C22orf23: variants seen among roughly 807,000 people sequenced by gnomAD.
The protein encoded by C22orf23 is chromosome 22 open reading frame 23.
In C22orf23, 30 loss-of-function variants were observed where a neutral mutation model predicts 29.7. The observed-to-expected ratio is 1.01, with a 90% confidence interval of 0.76 to 1.37. C22orf23 has a LOEUF of 1.37. Ranked by LOEUF, C22orf23 falls within the 40% of genes most tolerant of loss-of-function variation. The pLI is 0.00. For missense variants in C22orf23, 237 were observed against 273.1 expected (o/e 0.87, Z 0.93); for synonymous variants, 90 against 96.1 (o/e 0.94, Z 0.37).
At chr22:37,944,874 T>C in intron 5 of C22orf23, 168 bp downstream of exon 5, 1 of 758,542 alleles carries the variant, frequency 1.3e-6, no homozygotes, top group South Asian at 2.2e-5. Context: ...CACTCTAGCC[T>C]GGGCAATAAG....
chr22:37,952,858 T>A (rs1008301317), intron 2 of C22orf23, 189 bp downstream of exon 2: 1 of 545,460 alleles, frequency 1.8e-6, no homozygotes, highest in Non-Finnish European at 3.3e-6. Flanking sequence ...CGAACCCTAT[T>A]GTGAACTGCG....
chr22:37,948,960 ACCT>A (rs746486718), intron 3 of C22orf23, among the ~76,000 whole-genome samples: 8 of 152,074 alleles, frequency 5.3e-5, no homozygotes, highest in Non-Finnish European at 1.0e-4. Context: ...TATTCAGCTC[ACCT>A]CCTTGTTTCA....
At chr22:37,949,546 C>T (rs952017596) in intron 3 of C22orf23, among the ~76,000 whole-genome samples, 5 of 149,782 alleles carry the variant, frequency 3.3e-5, no homozygotes, top group Admixed American at 2.7e-4. Context: ...GCAACCTCCG[C>T]CTCCTGGGTT....
chr22:37,947,210 C>G, intron 4 of C22orf23, 71 bp downstream of exon 4: 1 of 1,533,764 alleles, frequency 6.5e-7, no homozygotes, highest in Non-Finnish European at 9.0e-7. Flanking sequence ...GCCCTGTGGG[C>G]TGCTTGCGTC....
In C22orf23 at chr22:37,943,927, G is replaced by A. The variant is rs1436210291; in HGVS notation, c.*248C>T. 12 of 581,396 alleles carry A rather than the reference G, an allele frequency of 2.1e-5. No individual in the cohort carries two copies. The highest frequency in any genetic ancestry group is 3.4e-5 in the Non-Finnish European group (11 of 324,520). The allele number at this position is 581,396 out of a possible 1,614,324, so 36.0% of individuals were successfully genotyped here. ...GCCCAGTGGATACCTTTAGACACAT[G>A]TCCTAGTAGGGATGCTCGGGCTTTG... On this transcript the variant is annotated 3_prime_UTR_variant, in exon 7 of 7. Coordinates refer to ENST00000403305, the MANE Select transcript of C22orf23 (RefSeq NM_032561.5).
intron 4 of C22orf23, 36 bp downstream of exon 4, chr22:37,947,245 A>G: frequency 1.2e-6 from 2 of 1,611,276 alleles, no homozygotes; most frequent in Non-Finnish European, 1.7e-6. Context: ...TCCCCCAGGG[A>G]GATGGAGAAA....
At position 37,951,470 on chromosome 22, in the gene C22orf23, G is replaced by A. The variant is rs975350506; in HGVS notation, c.156C>T (p.Asp52=). ...TGGACTGCCCCTTACTTTTCATGAT[G>A]TCCATGATGTGGCGCTGCTGGATGT... ...LTNIQQRHIM[D]IMKRGDALPL... Residue 52 remains aspartate (D), a synonymous_variant, in exon 3 of 7, where the codon GAC becomes GAT. Transcript: ENST00000403305. 1 of 1,613,822 alleles carries A rather than the reference G, an allele frequency of 6.2e-7. No individual in the cohort carries two copies. Among genetic ancestry groups the A allele is most frequent in the Non-Finnish European group, 8.5e-7 (1 of 1,179,906 alleles).
At position 37,943,962 on chromosome 22, in the gene C22orf23, GGACGGGGCTGTGAGTCTCA is replaced by G; in HGVS notation, c.*194_*212del. On this transcript the variant is annotated 3_prime_UTR_variant, in exon 7 of 7. Transcript: ENST00000403305. ...GGATGCTCGGGCTTTGCTTCTCTGC[GGACGGGGCTGTGAGTCTCA>G]GAGGCTCCATCTGCATTCCGGGGCA... is the stretch of plus-strand genomic sequence containing the variant. The G allele has an allele frequency of 3.3e-6, 2 of 606,492 alleles. No individual in the cohort carries two copies. The highest frequency in any genetic ancestry group is 5.9e-6 in the Non-Finnish European group (2 of 339,258). The allele number at this position is 606,492 out of a possible 1,614,324, so 37.6% of individuals were successfully genotyped here.
At chr22:37,952,714 ACCCT>A (rs960462959) in intron 2 of C22orf23, 2 of 223,852 alleles carry the variant, frequency 8.9e-6, no homozygotes, top group Admixed American at 5.5e-5. Flanking sequence ...GGGGTCCCCA[ACCCT>A]CCGTCCGTGG....
At chr22:37,946,541 T>G (rs1194634199) in intron 4 of C22orf23, among the ~76,000 whole-genome samples, 1 of 148,588 alleles carries the variant, frequency 6.7e-6, no homozygotes, top group Non-Finnish European at 1.5e-5. Flanking sequence ...TGCCACTGTA[T>G]TACAGAATGG....
rs559246908 is a variant in C22orf23 at position 37,944,628 on chromosome 22, C to T, written c.482-111G>A. ...TCAAATAGTGTTTCTAGGCCGGGCG[C>T]GGTGGCTCACGCCTATAATCCCAGC... On this transcript the variant is annotated intron_variant, in intron 5 of 6. Coordinates refer to ENST00000403305, the MANE Select transcript of C22orf23 (RefSeq NM_032561.5). The T allele has an allele frequency of 2.1e-3, 1,890 of 913,358 alleles. 5 individuals are homozygous for T. Among genetic ancestry groups the T allele is most frequent in the Non-Finnish European group, 2.4e-3 (1,410 of 597,686 alleles). 56.6% of individuals were successfully genotyped at this position (913,358 alleles called of 1,614,324 possible).
At chr22:37,944,604 C>G in intron 5 of C22orf23, 87 bp from the exon 6 acceptor site, 1 of 1,209,870 alleles carries the variant, frequency 8.3e-7, no homozygotes, top group Non-Finnish European at 1.2e-6. Context: ...GTTCTATTGT[C>G]AAATAGTGTT....
At chr22:37,947,125 C>A (rs1930742834) in intron 4 of C22orf23, among the ~76,000 whole-genome samples, 156 bp downstream of exon 4, 1 of 152,048 alleles carries the variant, frequency 6.6e-6, no homozygotes. Flanking sequence ...CTGAATACCC[C>A]TAAGCCAACA....
chr22:37,951,771 T>C, intron 2 of C22orf23: 1 of 184,082 alleles, frequency 5.4e-6, no homozygotes, highest in Non-Finnish European at 1.1e-5. Context: ...ATTTCTGCCC[T>C]CTGTTAAATA....
intron 4 of C22orf23, among the ~76,000 whole-genome samples, chr22:37,946,578 C>CAAAA (rs891945997): frequency 1.8e-4 from 10 of 54,870 alleles, no homozygotes; most frequent in African/African-American, 5.2e-4. Flanking sequence ...GACACTGTCT[C>CAAAA]AAAAAAAAAA....
chr22:37,943,458 C>G lies in C22orf23; in HGVS notation c.*717G>C, dbSNP rs1386968034. The G allele has an allele frequency of 1.3e-5, 2 of 152,510 alleles. No homozygotes were observed. The highest frequency in any genetic ancestry group is 2.9e-5 in the Non-Finnish European group (2 of 68,308). 9.4% of individuals were successfully genotyped at this position (152,510 alleles called of 1,614,324 possible). On this transcript the variant is annotated 3_prime_UTR_variant, in exon 7 of 7. Transcript: ENST00000403305. ...AAGCCAACTTTTAATCCTGAATGCA[C>G]TGCTTGCCAGGTAAATGCCCTTGGT...
chr22:37,946,034 G>A lies in C22orf23; in HGVS notation c.350-861C>T, dbSNP rs558870059. On this transcript the variant is annotated intron_variant, in intron 4 of 6. Transcript: ENST00000403305. ...AGCACTTTGGGAGGCCGAGGTGGGC[G>A]GATCACGAGGTCAGGAGATCAAGAC... Among the ~76,000 whole-genome samples, 541 of 151,520 alleles carry A rather than the reference G, an allele frequency of 3.6e-3. 3 individuals carry two copies. Among genetic ancestry groups the A allele is most frequent in the African/African-American group, 0.013 (514 of 41,110 alleles).
chr22:37,951,624 C>T, intron 2 of C22orf23, 102 bp from the exon 3 acceptor site: 1 of 934,688 alleles, frequency 1.1e-6, no homozygotes, highest in South Asian at 1.4e-5. Context: ...CCCCATTCTG[C>T]ACTGAGCATG....
chr22:37,953,222 G>A (rs1052570004), intron 1 of C22orf23, 64 bp from the exon 2 acceptor site: 5 of 1,142,704 alleles, frequency 4.4e-6, no homozygotes, highest in South Asian at 2.7e-5. Context: ...GTTCCCCGAC[G>A]CCCAACACCC....
Sources: gnomAD v4.1 joint callset for allele counts (sites outside exome capture counted in the v4.1 genomes callset) on GRCh38, gnomAD v4.1.1 for gene constraint, MANE v1.5 for transcripts, NCBI Gene and HGNC (gene_info 2026-07-23, HGNC 2026-07-21) for gene names.